Variants in URB1 observed in about 807,000 individuals in gnomAD.
The protein encoded by URB1 is nucleolar pre-ribosomal-associated protein 1.
URB1 carries 197 observed loss-of-function variants against 242.3 expected under a neutral mutation model. The observed-to-expected ratio is 0.81, with a 90% CI of 0.72 to 0.91. The LOEUF is 0.91. Ranked by LOEUF, URB1 falls within the 40% of genes least tolerant of loss-of-function variation. URB1 has a pLI of 0.00. For missense variants in URB1, 2,721 were observed against 2,860.5 expected (o/e 0.95, Z 1.11); for synonymous variants, 1,153 against 1,201.8 (o/e 0.96, Z 0.84).
Position 32,313,322 on chromosome 21 carries a change from C to G in URB1, c.*1596G>C, listed in dbSNP as rs77711381. The G allele has an allele frequency of 8.6e-3, 1,303 of 152,344 alleles. 18 individuals carry two copies. The highest frequency in any genetic ancestry group is 0.029 in the African/African-American group (1,193 of 41,562). The allele number at this position is 152,344 out of a possible 1,614,324, so 9.4% of individuals were successfully genotyped here. A position where few individuals can be genotyped will look rare whatever the true frequency, so the allele number is the denominator to read the frequency against. ...ATAAACAAGCAGAGGTGCCTATAAC[C>G]AAAGGAATCCCCAAAGATAGGCCTT... is the stretch of plus-strand genomic sequence containing the variant. On this transcript the variant is annotated 3_prime_UTR_variant, in exon 39 of 39. Coordinates refer to ENST00000382751, the MANE Select transcript of URB1 (RefSeq NM_014825.3).
At position 32,317,858 on chromosome 21, in the gene URB1, C is replaced by T; in HGVS notation, c.5852G>A (p.Arg1951Lys). 6.4e-7 allele frequency: 1 copy of T among 1,551,810 alleles called. No individual in the cohort carries two copies. The highest frequency in any genetic ancestry group is 8.7e-7 in the Non-Finnish European group (1 of 1,147,030). Residue 1951 changes from arginine (R) to lysine (K), a missense_variant, in exon 37 of 39, where the codon AGG (arginine) becomes AAG (lysine). Coordinates refer to ENST00000382751, the MANE Select transcript of URB1 (RefSeq NM_014825.3). ...NFFGTLDSVL[R>K]YRATVIQAFR... is the part of the protein sequence containing the mutation. ...GGCCTGTATGACAGTGGCCCGGTAC[C>T]TCAGCACGGAGTCAAGTGTCCCGAA...
chr21:32,360,584 G>A (rs760758231), intron 13 of URB1, among the ~76,000 whole-genome samples: 4 of 152,192 alleles, frequency 2.6e-5, no homozygotes, highest in African/African-American at 9.6e-5. Flanking sequence ...ACTTTTACAA[G>A]TTTGAACCTG....
At position 32,311,242 on chromosome 21, in the gene URB1, A is replaced by C; in HGVS notation, c.*3676T>G. Reference sequence around the variant, plus strand: ...CGCCCCCATGATTCAATTACCTCCCACTGGGTCCTTCCCACGACACGTGGG... The same window carrying C: ...CGCCCCCATGATTCAATTACCTCCCCCTGGGTCCTTCCCACGACACGTGGG... On this transcript the variant is annotated 3_prime_UTR_variant, in exon 39 of 39. Transcript: ENST00000382751. The C allele has an allele frequency of 5.8e-6, 1 of 171,854 alleles. No individual in the cohort carries two copies. The highest frequency in any genetic ancestry group is 5.6e-5 in the Admixed American group (1 of 17,936). The allele number at this position is 171,854 out of a possible 1,614,324, so 10.6% of individuals were successfully genotyped here. A position where few individuals can be genotyped will look rare whatever the true frequency, so the allele number is the denominator to read the frequency against.
Position 32,313,657 on chromosome 21 carries a change from G to C in URB1, c.*1261C>G, listed in dbSNP as rs2032629909. On this transcript the variant is annotated 3_prime_UTR_variant, in exon 39 of 39. Coordinates refer to ENST00000382751, the MANE Select transcript of URB1 (RefSeq NM_014825.3). ...AAGAACACTGGTGGAAAATAGAAGT[G>C]TAAATGTTTCAGACAAAACCAAGGC... 1 of 152,196 alleles carries C rather than the reference G, an allele frequency of 6.6e-6. No homozygotes were observed. The highest frequency in any genetic ancestry group is 1.5e-5 in the Non-Finnish European group (1 of 68,038). The allele number at this position is 152,196 out of a possible 1,614,324, so 9.4% of individuals were successfully genotyped here.
rs1450497047 is a variant in URB1, at chr21:32,334,262, C to T, written c.4758G>A (p.Gln1586=). ...GAAGGATGTCCCCGACACTCGGCTG[C>T]TGCCACAGTGACCTGCCCAGGCTCC... is the stretch of plus-strand genomic sequence containing the variant. ...TCRSLGRSLW[Q]QPSVGDILRL... Residue 1586 remains glutamine (Q), a synonymous_variant, in exon 29 of 39, where the codon CAG becomes CAA. Transcript: ENST00000382751. The T allele has an allele frequency of 6.4e-7, 1 of 1,551,582 alleles. No individual in the cohort carries two copies. The highest frequency in any genetic ancestry group is 2.0e-5 in the Admixed American group (1 of 51,006).
At chr21:32,355,607 G>A (rs754813077) in intron 15 of URB1, 42 bp from the exon 16 acceptor site, 15 of 1,479,628 alleles carry the variant, frequency 1.0e-5, no homozygotes, top group Middle Eastern at 1.7e-4. Context: ...AGAACAGAAC[G>A]CGCTTTCTTT....
In URB1 at chr21:32,357,523, T is replaced by C. The variant is rs2123593771; in HGVS notation, c.1989+14A>G. The C allele has an allele frequency of 1.3e-6, 2 of 1,496,480 alleles. No homozygotes were observed. The highest frequency in any genetic ancestry group is 2.6e-5 in the East Asian group (1 of 38,786). The allele number at this position is 1,496,480 out of a possible 1,614,324, so 92.7% of individuals were successfully genotyped here. A position where few individuals can be genotyped will look rare whatever the true frequency, so the allele number is the denominator to read the frequency against. On this transcript the variant is annotated intron_variant, in intron 15 of 38. Transcript: ENST00000382751. ...AATGCTTTTCAGAGTTAGAAACTGG[T>C]AGAAAATGCTCACCTTCATGATCAG...
At chr21:32,327,294 A>G (rs1275347486) in intron 30 of URB1, among the ~76,000 whole-genome samples, 1 of 152,226 alleles carries the variant, frequency 6.6e-6, no homozygotes, top group Non-Finnish European at 1.5e-5. Context: ...CTTGTCAGAA[A>G]TAACTCAATT....
chr21:32,373,005 G>A (rs896402695), intron 7 of URB1, among the ~76,000 whole-genome samples: 1 of 152,152 alleles, frequency 6.6e-6, no homozygotes, highest in African/African-American at 2.4e-5. Flanking sequence ...GATAAAAGGA[G>A]GTGAAATATT....
At chr21:32,339,396 C>T (rs1420868575) in intron 25 of URB1, among the ~76,000 whole-genome samples, 1 of 152,142 alleles carries the variant, frequency 6.6e-6, no homozygotes, top group Non-Finnish European at 1.5e-5. Flanking sequence ...ACTGACACGG[C>T]ACTGCATAGC....
intron 15 of URB1, among the ~76,000 whole-genome samples, chr21:32,355,981 G>A (rs757033715): frequency 6.6e-4 from 101 of 152,324 alleles, no homozygotes; most frequent in Middle Eastern, 3.4e-3. Flanking sequence ...CAAGGAGCAC[G>A]CAGGGGGTGA....
At position 32,338,907 on chromosome 21, in the gene URB1, G is replaced by A. The variant is rs182376191; in HGVS notation, c.4317-7C>T. 1.9e-4 allele frequency: 293 copies of A among 1,527,428 alleles called. No individual in the cohort carries two copies. The African/African-American group carries it at 3.2e-3, about 17-fold the overall frequency. The allele number at this position is 1,527,428 out of a possible 1,614,324, so 94.6% of individuals were successfully genotyped here. A position where few individuals can be genotyped will look rare whatever the true frequency, so the allele number is the denominator to read the frequency against. On this transcript the variant is annotated splice_polypyrimidine_tract_variant and splice_region_variant and intron_variant, in intron 25 of 38. Transcript: ENST00000382751. ...GTGGTCCTGGTACCGAAATCTAGGC[G>A]GCGAGAGTCAAAGGGAAAAGAGCTT...
chr21:32,329,882 G>A (rs2032873684), intron 30 of URB1, among the ~76,000 whole-genome samples: 1 of 152,190 alleles, frequency 6.6e-6, no homozygotes, highest in South Asian at 2.1e-4. Flanking sequence ...ATGCAGCTTG[G>A]CAGCAAAGAT....
intron 24 of URB1, among the ~76,000 whole-genome samples, chr21:32,343,238 A>G (rs2033050295): frequency 6.6e-6 from 1 of 151,956 alleles, no homozygotes; most frequent in African/African-American, 2.4e-5. Context: ...TGCAATGAGT[A>G]TGTCTTTTAG....
intron 5 of URB1, among the ~76,000 whole-genome samples, 197 bp from the exon 6 acceptor site, chr21:32,375,680 C>G (rs912798744): frequency 6.6e-6 from 1 of 151,886 alleles, no homozygotes; most frequent in African/African-American, 2.4e-5. Flanking sequence ...CAGAGTGGCT[C>G]ATGCCTGTAA....
At chr21:32,324,210 T>C (rs1000598208) in intron 32 of URB1, among the ~76,000 whole-genome samples, 1 of 152,238 alleles carries the variant, frequency 6.6e-6, no homozygotes, top group African/African-American at 2.4e-5. Flanking sequence ...ATATACTCTT[T>C]CCCTCCATTA....
intron 15 of URB1, among the ~76,000 whole-genome samples, chr21:32,356,811 C>G (rs1887322381): frequency 6.6e-6 from 1 of 152,210 alleles, no homozygotes; most frequent in Non-Finnish European, 1.5e-5. Flanking sequence ...GCCAATTTCA[C>G]CTATTTGCAG....
intron 17 of URB1, 109 bp downstream of exon 17, chr21:32,354,750 T>C (rs1211612127): frequency 8.8e-6 from 12 of 1,369,278 alleles, no homozygotes; most frequent in Non-Finnish European, 1.1e-5. Flanking sequence ...AAAGGGACTG[T>C]GTGCACTTGG....
chr21:32,342,957 C>A (rs529397204), intron 24 of URB1, among the ~76,000 whole-genome samples: 30 of 152,166 alleles, frequency 2.0e-4, no homozygotes, highest in African/African-American at 6.7e-4. Flanking sequence ...TACCACTGAC[C>A]ACTAACAAAG....
Sources: allele counts gnomAD v4.1 joint callset (sites outside exome capture counted in the v4.1 genomes callset), GRCh38; gene constraint gnomAD v4.1.1; transcripts MANE v1.5; gene names NCBI Gene and HGNC (gene_info 2026-07-23, HGNC 2026-07-21).